Variants in KAZN observed in about 807,000 individuals in gnomAD.
KAZN encodes the protein kazrin, periplakin interacting protein.
Under a neutral mutation model 87.4 loss-of-function variants are expected in KAZN, and 40 were observed. The ratio of observed to expected loss-of-function variants is 0.46; its 90% confidence interval spans 0.36 to 0.60. The LOEUF (loss-of-function observed/expected upper bound fraction) is 0.60. KAZN is among the 20% of genes least tolerant of loss of function. The probability of loss-of-function intolerance (pLI) is 0.00; values close to 1 mark genes in which losing one functional copy is unlikely to be tolerated. For synonymous variants in KAZN, 466 were observed against 458.3 expected, an observed-to-expected ratio of 1.02 and a Z score of -0.22; for missense variants, 898 against 1,073.9, an observed-to-expected ratio of 0.84 and a Z score of 2.29.
At position 15,094,115 on chromosome 1, in the gene KAZN, G is replaced by A; in HGVS notation, c.1223-65G>A. ...ACCACCCTCTGCCTCCCGGGGGTATGGCCTGCCCAGCCCCTGCCCCCAGCA... is the reference window on the plus strand; with the variant it reads ...ACCACCCTCTGCCTCCCGGGGGTATAGCCTGCCCAGCCCCTGCCCCCAGCA... On this transcript the variant is annotated intron_variant, in intron 8 of 14. Coordinates refer to ENST00000376030, the MANE Select transcript of KAZN (RefSeq NM_201628.3). The surrounding 1 kb of genome is among the most constrained non-coding windows in gnomAD (Gnocchi z 4.5). 1 of 1,482,974 alleles carries A rather than the reference G, an allele frequency of 6.7e-7. No individual in the cohort carries two copies. The highest frequency in any genetic ancestry group is 9.3e-7 in the Non-Finnish European group (1 of 1,080,298). 91.9% of individuals were successfully genotyped at this position (1,482,974 alleles called of 1,614,324 possible). A position where few individuals can be genotyped will look rare whatever the true frequency, so the allele number is the denominator to read the frequency against.
In KAZN at chr1:14,734,844, T is replaced by C. The variant is rs1474568814; in HGVS notation, c.226+135621T>C. Among the ~76,000 whole-genome samples the C allele has an allele frequency of 8.5e-5, 13 of 152,354 alleles. 1 individual carries two copies. The highest frequency in any genetic ancestry group is 3.1e-4 in the African/African-American group (13 of 41,596). The stretch of plus-strand genomic sequence containing the variant: ...GTCTCCTTCATGGAACAGACCAGAC[T>C]GCGTGTCCCAAGCATCTCACTGTCT... On this transcript the variant is annotated intron_variant, in intron 1 of 14. Coordinates refer to ENST00000376030, the MANE Select transcript of KAZN (RefSeq NM_201628.3).
chr1:14,755,460 A>G (rs555109315), intron 1 of KAZN, among the ~76,000 whole-genome samples: 9 of 152,248 alleles, frequency 5.9e-5, no homozygotes, highest in African/African-American at 2.2e-4. Flanking sequence ...AAGTCAACCT[A>G]TATGTCGTGT....
chr1:14,881,377 G>A (rs1653320231), intron 1 of KAZN, among the ~76,000 whole-genome samples: 1 of 152,196 alleles, frequency 6.6e-6, no homozygotes, highest in South Asian at 2.1e-4. Flanking sequence ...CCAGCCTGGT[G>A]GGGTGAGGAA....
rs141414584 is a variant in KAZN, at chr1:14,233,614, A to G, written c.249+53022A>G. On this transcript the variant is annotated intron_variant, in intron 2 of 16. Transcript: ENST00000636203. ...ACTCTCTGCTTTCAAAGGTTCTGCA[A>G]TCTCCATAGAGCACCCAGGAAGCAG... is the stretch of plus-strand genomic sequence containing the variant. 2.2e-3 allele frequency among the ~76,000 whole-genome samples: 335 copies of G among 152,318 alleles called. 9 individuals are homozygous for G. The East Asian group carries it at 0.042, about 19-fold the overall frequency.
At chr1:15,093,583 G>A (rs575328834) in intron 8 of KAZN, among the ~76,000 whole-genome samples, 1 of 152,126 alleles carries the variant, frequency 6.6e-6, no homozygotes, top group Non-Finnish European at 1.5e-5. Flanking sequence ...ATAGACAGAT[G>A]GGGAACATGC....
At chr1:14,094,781 G>A (rs1252928151) in intron 1 of KAZN, among the ~76,000 whole-genome samples, 1 of 152,182 alleles carries the variant, frequency 6.6e-6, no homozygotes, top group African/African-American at 2.4e-5. Context: ...CACAGTGACA[G>A]CTGGACACAG....
chr1:14,791,713 C>A (rs1037924662), intron 1 of KAZN, among the ~76,000 whole-genome samples: 1 of 152,224 alleles, frequency 6.6e-6, no homozygotes, highest in Non-Finnish European at 1.5e-5. Context: ...TGGAGCTGGG[C>A]GAGCTTCCGG....
intron 1 of KAZN, among the ~76,000 whole-genome samples, chr1:14,958,761 C>T (rs1188173486): frequency 6.6e-6 from 1 of 152,210 alleles, no homozygotes. Context: ...TGCATGTGTC[C>T]GGTCTAGCCA....
chr1:14,355,321 T>C (rs1335225910), intron 2 of KAZN, among the ~76,000 whole-genome samples: 2 of 152,174 alleles, frequency 1.3e-5, no homozygotes, highest in Non-Finnish European at 2.9e-5. Flanking sequence ...CTATATGCAA[T>C]TATACCTGAA....
At chr1:14,673,579 C>G (rs1640042926) in intron 1 of KAZN, among the ~76,000 whole-genome samples, 1 of 152,046 alleles carries the variant, frequency 6.6e-6, no homozygotes, top group South Asian at 2.1e-4. Flanking sequence ...ACAGTAGGAG[C>G]AGCTGGAGAA....
chr1:13,984,106 A>AT (rs1328377735), intron 1 of KAZN, among the ~76,000 whole-genome samples: 2 of 151,938 alleles, frequency 1.3e-5, no homozygotes, highest in African/African-American at 4.8e-5. Flanking sequence ...TGCCTCCCAG[A>AT]TTCACGCAAT....
At chr1:14,345,109 G>C (rs2789744) in intron 2 of KAZN, among the ~76,000 whole-genome samples, 107,807 of 151,996 alleles carry the variant, frequency 0.71, 38,533 homozygotes, top group South Asian at 0.79. Flanking sequence ...AGTAGAGATG[G>C]TGTTTACCAT....
intron 1 of KAZN, among the ~76,000 whole-genome samples, chr1:14,171,512 TAGGCTTCATTTATTTAATGAGA>T (rs1645953875): frequency 6.6e-6 from 1 of 152,218 alleles, no homozygotes; most frequent in Admixed American, 6.5e-5. Flanking sequence ...CTGAATTATT[TAGGCTTCATTTATTTAATGAGA>T]CCATATTAAA....
intron 1 of KAZN, among the ~76,000 whole-genome samples, chr1:14,619,954 T>C (rs941533983): frequency 2.0e-5 from 3 of 152,214 alleles, no homozygotes; most frequent in African/African-American, 7.2e-5. Context: ...ACGTGAGTTG[T>C]TTCTGCCTTT....
intron 2 of KAZN, among the ~76,000 whole-genome samples, chr1:14,339,631 G>A (rs576169506): frequency 2.0e-3 from 306 of 152,260 alleles, no homozygotes; most frequent in African/African-American, 7.2e-3. Flanking sequence ...TATGTGTGGG[G>A]GGAAGTCAGC....
intron 2 of KAZN, among the ~76,000 whole-genome samples, chr1:14,978,958 G>A (rs1394381957): frequency 6.6e-6 from 1 of 152,016 alleles, no homozygotes; most frequent in African/African-American, 2.4e-5. Context: ...AGGCTGGAGT[G>A]CAATGGCGCA....
intron 1 of KAZN, among the ~76,000 whole-genome samples, chr1:14,918,604 C>T (rs535259028): frequency 6.8e-6 from 1 of 146,464 alleles, no homozygotes; most frequent in African/African-American, 2.5e-5. Flanking sequence ...TGAACTCGGG[C>T]AGCAGAGGTT....
chr1:14,324,560 A>T (rs753225053), intron 2 of KAZN, among the ~76,000 whole-genome samples: 20 of 152,168 alleles, frequency 1.3e-4, no homozygotes, highest in Non-Finnish European at 2.6e-4. Flanking sequence ...AGAGAGGGCC[A>T]TGTGTCACTT....
intron 2 of KAZN, among the ~76,000 whole-genome samples, chr1:14,408,004 G>A (rs979097265): frequency 1.3e-5 from 2 of 152,118 alleles, no homozygotes; most frequent in African/African-American, 4.8e-5. Context: ...ATGGGGAACT[G>A]GGCAAAGTGA....
Sources: gnomAD v4.1 joint callset for allele counts (sites outside exome capture counted in the v4.1 genomes callset) on GRCh38, gnomAD v4.1.1 for gene constraint, Gnocchi (gnomAD v3.1) non-coding constraint, MANE v1.5 for transcripts, NCBI Gene and HGNC (gene_info 2026-07-23, HGNC 2026-07-21) for gene names.